The following DCUN1D4 variants were observed in gnomAD, a reference collection of about 807,000 sequenced individuals.
DCUN1D4 encodes defective in cullin neddylation 1 domain containing 4.
Under a neutral mutation model 47.9 loss-of-function variants are expected in DCUN1D4, and 22 were observed. The observed-to-expected ratio is 0.46, with a 90% confidence interval of 0.33 to 0.66. The LOEUF (loss-of-function observed/expected upper bound fraction) is 0.66, where lower values mean the gene tolerates loss of function less well. Ranked by LOEUF, DCUN1D4 falls within the 30% of genes least tolerant of loss-of-function variation. DCUN1D4 has a pLI of 0.02. For missense variants in DCUN1D4, 301 were observed against 340.8 expected (o/e 0.88, Z 0.92); for synonymous variants, 121 against 112.2 (o/e 1.08, Z -0.50).
chr4:51,844,815 G>A, intron 1 of DCUN1D4: 2 of 985,400 alleles, frequency 2.0e-6, no homozygotes, highest in Non-Finnish European at 2.4e-6. Flanking sequence ...CCGCGGTTGG[G>A]TTGGGTGCAC....
At chr4:51,896,381 C>T (rs1166579298) in intron 7 of DCUN1D4, among the ~76,000 whole-genome samples, 1 of 152,086 alleles carries the variant, frequency 6.6e-6, no homozygotes, top group Non-Finnish European at 1.5e-5. Flanking sequence ...TAAATGAGTG[C>T]TTCCTGCTCT....
intron 8 of DCUN1D4, among the ~76,000 whole-genome samples, chr4:51,902,608 C>T (rs1259555927): frequency 1.3e-5 from 2 of 152,076 alleles, no homozygotes; most frequent in South Asian, 2.1e-4. Context: ...TTTTTTAAAT[C>T]TTTTACTTTT....
chr4:51,869,150 A>AAAAG (rs1726461745), intron 3 of DCUN1D4, among the ~76,000 whole-genome samples: 6 of 141,356 alleles, frequency 4.2e-5, no homozygotes, highest in African/African-American at 1.7e-4. Flanking sequence ...AAAAAAGTCA[A>AAAAG]TCAGAGAGGA....
At chr4:51,837,610 G>C in the DCUN1D4 span, among the ~76,000 whole-genome samples, 1 of 122,078 alleles carries the variant, frequency 8.2e-6, no homozygotes, top group Non-Finnish European at 1.6e-5. Flanking sequence ...AGCGGAGATC[G>C]CGCCACAGCA....
chr4:51,886,422 AAT>A, intron 5 of DCUN1D4, 144 bp from the exon 6 acceptor site: 1 of 577,374 alleles, frequency 1.7e-6, no homozygotes, highest in Non-Finnish European at 3.0e-6. Context: ...GAAATTCGAG[AAT>A]ACTTTTCAAC....
intron 7 of DCUN1D4, among the ~76,000 whole-genome samples, chr4:51,892,414 G>A (rs1192746357): frequency 2.6e-5 from 4 of 152,146 alleles, no homozygotes; most frequent in African/African-American, 7.2e-5. Flanking sequence ...TGAGTTGAAC[G>A]GTGCAGTTTT....
intron 5 of DCUN1D4, chr4:51,884,304 C>G (rs1201996359): frequency 6.6e-6 from 1 of 152,128 alleles, no homozygotes; most frequent in Non-Finnish European, 1.5e-5. Flanking sequence ...TTAAGAACAG[C>G]CACCTTATAC....
intron 7 of DCUN1D4, among the ~76,000 whole-genome samples, chr4:51,898,467 T>C (rs1479183725): frequency 6.6e-6 from 1 of 152,178 alleles, no homozygotes; most frequent in Non-Finnish European, 1.5e-5. Context: ...TGGTGTACAA[T>C]ACACATTGAG....
At chr4:51,844,402 C>T (rs972005001) in intron 1 of DCUN1D4, 7 of 983,852 alleles carry the variant, frequency 7.1e-6, no homozygotes, top group Non-Finnish European at 8.4e-6. Context: ...GAAGCGAGGT[C>T]AGCGCTGGCG....
At position 51,899,590 on chromosome 4, in the gene DCUN1D4, C is replaced by T. The variant is rs186954055; in HGVS notation, c.615+212C>T. On this transcript the variant is annotated intron_variant, in intron 8 of 10. Transcript: ENST00000334635. ...GTAGGTCAGCAAAAAGCTCTAGTGG[C>T]AGACGTTTACTGGCTCTTGGAATTG... Among the ~76,000 whole-genome samples the T allele has an allele frequency of 1.6e-4, 25 of 152,308 alleles. No homozygotes were observed. In the East Asian group the frequency reaches 4.6e-3, roughly 28 times the overall value.
At chr4:51,860,867 A>G (rs1724943140) in intron 1 of DCUN1D4, among the ~76,000 whole-genome samples, 1 of 152,192 alleles carries the variant, frequency 6.6e-6, no homozygotes, top group South Asian at 2.1e-4. Flanking sequence ...CATAGGCTAA[A>G]AGATGTACCA....
chr4:51,896,541 C>T (rs1488318472), intron 7 of DCUN1D4, among the ~76,000 whole-genome samples: 1 of 152,088 alleles, frequency 6.6e-6, no homozygotes, highest in Non-Finnish European at 1.5e-5. Flanking sequence ...CAGTTTCCCT[C>T]CTCTTTGACC....
At chr4:51,845,718 TG>T (rs974949797) in intron 1 of DCUN1D4, among the ~76,000 whole-genome samples, 2 of 152,214 alleles carry the variant, frequency 1.3e-5, no homozygotes, top group African/African-American at 4.8e-5. Context: ...AGAAGAATAT[TG>T]TAATTTTTCT....
upstream of DCUN1D4, among the ~76,000 whole-genome samples, chr4:51,842,523 G>A (rs1034739207): frequency 6.6e-6 from 1 of 152,222 alleles, no homozygotes; most frequent in Non-Finnish European, 1.5e-5. Flanking sequence ...CCACCAGAAG[G>A]TTTGCTGGAA....
chr4:51,869,176 A>T (rs894843100), intron 3 of DCUN1D4, among the ~76,000 whole-genome samples: 1 of 121,758 alleles, frequency 8.2e-6, no homozygotes, highest in South Asian at 2.6e-4. Context: ...AATAAAAAAA[A>T]TAAAAAAAAA....
Position 51,913,836 on chromosome 4 carries a change from T to C in DCUN1D4, c.*252T>C, listed in dbSNP as rs1002386188. The C allele has an allele frequency of 7.7e-6, 3 of 387,608 alleles. No individual in the cohort carries two copies. Among genetic ancestry groups the C allele is most frequent in the Non-Finnish European group, 1.4e-5 (3 of 217,952 alleles). The allele number at this position is 387,608 out of a possible 1,614,324, so 24.0% of individuals were successfully genotyped here. ...TGCCAACGTCCTCACTGTGATTATGTGTATATTGCTGTTTAAATTTTGTAT... is the reference window on the plus strand; with the variant it reads ...TGCCAACGTCCTCACTGTGATTATGCGTATATTGCTGTTTAAATTTTGTAT... On this transcript the variant is annotated 3_prime_UTR_variant, in exon 11 of 11. Coordinates refer to ENST00000334635, the MANE Select transcript of DCUN1D4 (RefSeq NM_001040402.3).
At chr4:51,868,499 A>C (rs191311193) in intron 3 of DCUN1D4, among the ~76,000 whole-genome samples, 2 of 152,352 alleles carry the variant, frequency 1.3e-5, no homozygotes, top group African/African-American at 2.4e-5. Flanking sequence ...AACATTTGCC[A>C]TCTGGTTATA....
chr4:51,868,909 G>A (rs554229343), intron 3 of DCUN1D4, among the ~76,000 whole-genome samples: 89 of 152,226 alleles, frequency 5.8e-4, no homozygotes, highest in South Asian at 1.7e-3. Context: ...CACGAGGTCA[G>A]GAGTTCAAGA....
chr4:51,902,454 T>C (rs1403891606), intron 8 of DCUN1D4, among the ~76,000 whole-genome samples: 4 of 152,250 alleles, frequency 2.6e-5, no homozygotes, highest in Non-Finnish European at 1.5e-5. Context: ...AGTATTGTTA[T>C]ATCCTCTTGA....
Sources: allele counts gnomAD v4.1 joint callset (sites outside exome capture counted in the v4.1 genomes callset), GRCh38; gene constraint gnomAD v4.1.1; transcripts MANE v1.5; gene names NCBI Gene and HGNC (gene_info 2026-07-23, HGNC 2026-07-21).